Variants in PCDHGA8 observed in about 807,000 individuals in gnomAD.
PCDHGA8 encodes the protein protocadherin gamma-A8.
In PCDHGA8, 45 loss-of-function variants were observed where a neutral mutation model predicts 59.2. The observed-to-expected ratio is 0.76, with a 90% CI of 0.60 to 0.98. The LOEUF is 0.98. PCDHGA8 is among the 50% of genes least tolerant of loss of function. The pLI is 0.00. For missense variants in PCDHGA8, 1,257 were observed against 1,196.2 expected (o/e 1.05, Z -0.75); for synonymous variants, 531 against 519.0 (o/e 1.02, Z -0.32).
At position 141,399,508 on chromosome 5, in the gene PCDHGA8, A is replaced by C. The variant is rs780948105; in HGVS notation, c.2424+4271A>C. ...CTACTTAGTCAGTGTACCCGAAAAC[A>C]ACCCTCCTGGGGCCTCCATCGCGCA... On this transcript the variant is annotated intron_variant, in intron 1 of 3. Coordinates refer to ENST00000398604, the MANE Select transcript of PCDHGA8 (RefSeq NM_032088.2). 3.2e-5 allele frequency: 51 copies of C among 1,613,904 alleles called. No homozygotes were observed. In the African/African-American group the frequency reaches 6.7e-4, roughly 21 times the overall value.
At chr5:141,408,164 A>C (rs2095051548) in intron 1 of PCDHGA8, 1 of 1,520,458 alleles carries the variant, frequency 6.6e-7, no homozygotes, top group African/African-American at 1.4e-5. Context: ...ACTTTCTCCA[A>C]CTGGAAAAGC....
chr5:141,461,323 T>C (rs2099013372), intron 1 of PCDHGA8, among the ~76,000 whole-genome samples: 1 of 152,176 alleles, frequency 6.6e-6, no homozygotes, highest in African/African-American at 2.4e-5. Context: ...TTTTTAATAA[T>C]GGCCATTCTT....
chr5:141,485,185 G>C lies in PCDHGA8; in HGVS notation c.2425-9622G>C. On this transcript the variant is annotated intron_variant, in intron 1 of 3. Transcript: ENST00000398604. This position sits in a 1 kb window ranked among gnomAD's most constrained non-coding sequence, Gnocchi z 5.7. ...AGCGGGCGGCAGCAATGCTCCGCAA[G>C]GTGAGAAGCTGGACAGAAATCTGGC... 6.2e-7 allele frequency: 1 copy of C among 1,613,528 alleles called. No homozygotes were observed. Among genetic ancestry groups the C allele is most frequent in the Non-Finnish European group, 8.5e-7 (1 of 1,179,492 alleles).
intron 1 of PCDHGA8, among the ~76,000 whole-genome samples, chr5:141,456,882 G>A (rs1039329600): frequency 6.6e-6 from 1 of 152,156 alleles, no homozygotes; most frequent in Non-Finnish European, 1.5e-5. Context: ...AGAATCGCTT[G>A]AACCCGGGAG....
At chr5:141,441,279 C>T (rs3792898) in intron 1 of PCDHGA8, 17,193 of 152,116 alleles carry the variant, frequency 0.11, 1,155 homozygotes, top group African/African-American at 0.18. Context: ...CGGGAGAAAA[C>T]GAGGTCACAT....
At chr5:141,452,897 T>C (rs1447851469) in intron 1 of PCDHGA8, among the ~76,000 whole-genome samples, 1 of 152,230 alleles carries the variant, frequency 6.6e-6, no homozygotes, top group Non-Finnish European at 1.5e-5. Flanking sequence ...CCACTTTTAT[T>C]AGTTGGCATT....
intron 1 of PCDHGA8, among the ~76,000 whole-genome samples, chr5:141,468,979 C>T (rs1394344696): frequency 6.7e-6 from 1 of 149,482 alleles, no homozygotes; most frequent in African/African-American, 2.5e-5. Flanking sequence ...CTTTTGACTT[C>T]CAAAATTATT....
chr5:141,463,874 G>T (rs1311566242), intron 1 of PCDHGA8, among the ~76,000 whole-genome samples: 1 of 152,136 alleles, frequency 6.6e-6, no homozygotes, highest in Non-Finnish European at 1.5e-5. Flanking sequence ...TGACTGAAAG[G>T]AAAAGTTTTC....
At chr5:141,419,201 A>C in intron 1 of PCDHGA8, 1 of 1,613,998 alleles carries the variant, frequency 6.2e-7, no homozygotes, top group South Asian at 1.1e-5. Context: ...CGTCAATGAC[A>C]ACGCGCCGGT....
intron 1 of PCDHGA8, among the ~76,000 whole-genome samples, chr5:141,482,052 T>G (rs2099551017): frequency 6.7e-6 from 1 of 150,154 alleles, no homozygotes; most frequent in Non-Finnish European, 1.5e-5. Flanking sequence ...GCTGTTGCAT[T>G]CCAGCCTGGG....
rs757926227 is a variant in PCDHGA8, at chr5:141,432,889, G to A, written c.2424+37652G>A. 1.6e-5 allele frequency: 26 copies of A among 1,614,180 alleles called. No individual in the cohort carries two copies. In the East Asian group the frequency reaches 5.8e-4, roughly 36 times the overall value. On this transcript the variant is annotated intron_variant, in intron 1 of 3. Transcript: ENST00000398604. This position sits in a 1 kb window ranked among gnomAD's most constrained non-coding sequence, Gnocchi z 6.0. ...GCGTCTTCCTGGCCTTCGTCATCTT[G>A]CTGCTGGCGCTCAGGCTGCGGCGCT...
chr5:141,466,147 G>A (rs2099117729), intron 1 of PCDHGA8, among the ~76,000 whole-genome samples: 1 of 151,722 alleles, frequency 6.6e-6, no homozygotes, highest in South Asian at 2.1e-4. Flanking sequence ...TGAAAACTCT[G>A]GTCTTAAACT....
At chr5:141,441,793 C>T (rs961624726) in intron 1 of PCDHGA8, 7 of 391,390 alleles carry the variant, frequency 1.8e-5, no homozygotes, top group Non-Finnish European at 3.6e-5. Flanking sequence ...AATGACAACG[C>T]ACCGCGGGTG....
intron 1 of PCDHGA8, chr5:141,428,461 G>A: frequency 2.8e-6 from 1 of 352,014 alleles, no homozygotes; most frequent in South Asian, 2.8e-5. Flanking sequence ...CAACTACAAT[G>A]AGGGAACTTT....
chr5:141,408,728 C>A lies in PCDHGA8; in HGVS notation c.2424+13491C>A, dbSNP rs371316574. 3.7e-6 allele frequency: 6 copies of A among 1,610,174 alleles called. No individual in the cohort carries two copies. In the African/African-American group the frequency reaches 8.0e-5, roughly 22 times the overall value. ...TAAAGATTATAAGATAAACTCTAATCCTTATTTTTCATTAATGGTTAGAGT... is the reference window on the plus strand; with the variant it reads ...TAAAGATTATAAGATAAACTCTAATACTTATTTTTCATTAATGGTTAGAGT... On this transcript the variant is annotated intron_variant, in intron 1 of 3. Transcript: ENST00000398604.
At position 141,403,108 on chromosome 5, in the gene PCDHGA8, G is replaced by A. The variant is rs189164879; in HGVS notation, c.2424+7871G>A. The A allele has an allele frequency of 2.7e-5, 43 of 1,614,086 alleles. No homozygotes were observed. In the African/African-American group the frequency reaches 5.1e-4, roughly 19 times the overall value. ...TTGTGGGCAACATCTCCAAGGACCT[G>A]GCTCTGGAGCCCCGGGAGCTGGCGG... On this transcript the variant is annotated intron_variant, in intron 1 of 3. Coordinates refer to ENST00000398604, the MANE Select transcript of PCDHGA8 (RefSeq NM_032088.2).
intron 1 of PCDHGA8, chr5:141,419,658 A>C: frequency 1.9e-6 from 3 of 1,612,782 alleles, no homozygotes; most frequent in Non-Finnish European, 2.5e-6. Context: ...GACTCGGGGC[A>C]CAATGCCTGG....
chr5:141,463,653 G>A (rs1378583183), intron 1 of PCDHGA8, among the ~76,000 whole-genome samples: 2 of 151,764 alleles, frequency 1.3e-5, no homozygotes, highest in Admixed American at 6.6e-5. Context: ...GGGTTTCACC[G>A]TGTTAGCCAG....
Position 141,487,892 on chromosome 5 carries a change from T to A in PCDHGA8, c.2425-6915T>A. On this transcript the variant is annotated intron_variant, in intron 1 of 3. Coordinates refer to ENST00000398604, the MANE Select transcript of PCDHGA8 (RefSeq NM_032088.2). The surrounding 1 kb of genome is among the most constrained non-coding windows in gnomAD (Gnocchi z 5.0). The stretch of plus-strand genomic sequence containing the variant: ...GAGCCAGGCTGTTGTGGAAGCATGA[T>A]GATGGAATGTGGGAGCACAGGAGGC... 1 of 731,410 alleles carries A rather than the reference T, an allele frequency of 1.4e-6. No homozygotes were observed. Among genetic ancestry groups the A allele is most frequent in the South Asian group, 1.8e-5 (1 of 54,120 alleles). The allele number at this position is 731,410 out of a possible 1,614,324, so 45.3% of individuals were successfully genotyped here. A position where few individuals can be genotyped will look rare whatever the true frequency, so the allele number is the denominator to read the frequency against.
Sources: allele counts gnomAD v4.1 joint callset (sites outside exome capture counted in the v4.1 genomes callset), GRCh38; gene constraint gnomAD v4.1.1; non-coding constraint Gnocchi (gnomAD v3.1); transcripts MANE v1.5; gene names NCBI Gene and HGNC (gene_info 2026-07-23, HGNC 2026-07-21).